SLC8A1: variants seen among roughly 807,000 people sequenced by gnomAD.
The protein encoded by SLC8A1 is sodium/calcium exchanger 1.
In SLC8A1, 18 loss-of-function variants were observed where a neutral mutation model predicts 68.3. The observed-to-expected ratio is 0.26, with a 90% CI of 0.18 to 0.39. SLC8A1 has a LOEUF of 0.39. Among genes scored for constraint, SLC8A1 ranks in the 10% least tolerant of loss-of-function variants. The pLI, the probability that SLC8A1 is intolerant of heterozygous loss-of-function variation, is 1.00. For missense variants in SLC8A1, 985 were observed against 1,156.7 expected (o/e 0.85, Z 2.15); for synonymous variants, 475 against 415.5 (o/e 1.14, Z -1.74).
chr2:40,209,492 T>A (rs915330222), intron 2 of SLC8A1, among the ~76,000 whole-genome samples: 1 of 152,002 alleles, frequency 6.6e-6, no homozygotes, highest in Non-Finnish European at 1.5e-5. Context: ...TGAAAGGACT[T>A]CTGAGGGAAA....
intron 2 of SLC8A1, among the ~76,000 whole-genome samples, chr2:40,241,794 C>G (rs2061257430): frequency 6.6e-6 from 1 of 152,140 alleles, no homozygotes; most frequent in South Asian, 2.1e-4. Flanking sequence ...CCCCTAAGGA[C>G]TATGAGCTTT....
intron 2 of SLC8A1, among the ~76,000 whole-genome samples, chr2:40,236,697 A>G (rs866292883): frequency 0.014 from 2,077 of 152,080 alleles, 57 homozygotes; most frequent in African/African-American, 0.047. Flanking sequence ...TCCTAGTCTC[A>G]ATGGTCTTTA....
At chr2:40,115,986 G>A (rs754215629) in intron 7 of SLC8A1, among the ~76,000 whole-genome samples, 6 of 152,208 alleles carry the variant, frequency 3.9e-5, no homozygotes, top group Admixed American at 6.5e-5. Flanking sequence ...CAAAGAGTGA[G>A]TATTGCAAGG....
chr2:40,351,641 G>A (rs1247787636), intron 2 of SLC8A1, among the ~76,000 whole-genome samples: 1 of 150,790 alleles, frequency 6.6e-6, no homozygotes, highest in Non-Finnish European at 1.5e-5. Flanking sequence ...AACCAAGACA[G>A]ACCAAGAACT....
intron 1 of SLC8A1, among the ~76,000 whole-genome samples, chr2:40,470,458 T>C (rs900963087): frequency 1.4e-4 from 22 of 151,976 alleles, no homozygotes; most frequent in Non-Finnish European, 8.8e-5. Flanking sequence ...AACACTAGGC[T>C]AAGACATTAT....
At chr2:40,433,974 A>G (rs2149801157) in intron 1 of SLC8A1, among the ~76,000 whole-genome samples, 1 of 152,288 alleles carries the variant, frequency 6.6e-6, no homozygotes, top group African/African-American at 2.4e-5. Context: ...CATGAGGGCT[A>G]GCATGTTCCT....
chr2:40,505,230 T>A (rs746101436), intron 1 of SLC8A1, among the ~76,000 whole-genome samples: 2 of 151,832 alleles, frequency 1.3e-5, no homozygotes, highest in Non-Finnish European at 2.9e-5. Flanking sequence ...GGAAGGCTAA[T>A]GGGTACAAAA....
intron 2 of SLC8A1, among the ~76,000 whole-genome samples, chr2:40,182,190 C>A (rs1202128648): frequency 6.6e-6 from 1 of 152,176 alleles, no homozygotes; most frequent in East Asian, 1.9e-4. Flanking sequence ...TTAACAAAAT[C>A]AAGACTGGAA....
At chr2:40,316,305 T>C (rs1045574510) in intron 2 of SLC8A1, among the ~76,000 whole-genome samples, 1 of 151,992 alleles carries the variant, frequency 6.6e-6, no homozygotes, top group African/African-American at 2.4e-5. Flanking sequence ...AAGAAATTTA[T>C]TGAAAGGAAC....
intron 2 of SLC8A1, among the ~76,000 whole-genome samples, chr2:40,321,218 T>A (rs571358557): frequency 6.6e-6 from 1 of 152,166 alleles, no homozygotes; most frequent in Non-Finnish European, 1.5e-5. Flanking sequence ...CCTTTTCACA[T>A]AATGACTTTA....
intron 2 of SLC8A1, among the ~76,000 whole-genome samples, chr2:40,406,223 T>C (rs944288989): frequency 2.0e-5 from 3 of 152,208 alleles, no homozygotes; most frequent in African/African-American, 7.2e-5. Context: ...ATGCAAAATA[T>C]GATCTCCCTA....
chr2:40,328,370 C>T (rs75849386), intron 2 of SLC8A1, among the ~76,000 whole-genome samples: 1,830 of 152,164 alleles, frequency 0.012, 29 homozygotes, highest in African/African-American at 0.042. Context: ...GGAGGTTTAT[C>T]TCCTCTGCCT....
Position 40,131,858 on chromosome 2 carries a change from ATTTTTTT to A in SLC8A1, c.2437+7536_2437+7542del, listed in dbSNP as rs71404277. On this transcript the variant is annotated intron_variant, in intron 7 of 7. Transcript: ENST00000406785. ...CTGATGAGGATTATCTTGGTATTCT[ATTTTTTT>A]TTTTTTTTTTTTTTTTTTTGCCAGC... Among the ~76,000 whole-genome samples, 171 of 95,560 alleles carry A rather than the reference ATTTTTTT, an allele frequency of 1.8e-3. 1 individual carries two copies. The highest frequency in any genetic ancestry group is 3.6e-3 in the Admixed American group (29 of 8,026). The allele number at this position is 95,560 out of a possible 152,430, so 62.7% of individuals were successfully genotyped here. A position where few individuals can be genotyped will look rare whatever the true frequency, so the allele number is the denominator to read the frequency against.
chr2:40,177,375 T>C (rs1410664849), intron 3 of SLC8A1, among the ~76,000 whole-genome samples: 1 of 152,190 alleles, frequency 6.6e-6, no homozygotes, highest in Non-Finnish European at 1.5e-5. Context: ...TGAGGTATGA[T>C]TGATGAGGTA....
rs1025642145 is a variant in SLC8A1 at position 40,137,499 on chromosome 2, G to A, written c.2437+1902C>T. ...TAACTTGGACACAATGTGATTCAGT[G>A]ACTTAAACCATAGGAAAAGTGGACT... is the stretch of plus-strand genomic sequence containing the variant. On this transcript the variant is annotated intron_variant, in intron 7 of 7. Transcript: ENST00000406785. 5.9e-5 allele frequency among the ~76,000 whole-genome samples: 9 copies of A among 152,222 alleles called. No individual in the cohort carries two copies. In the East Asian group the frequency reaches 1.5e-3, roughly 26 times the overall value.
intron 2 of SLC8A1, among the ~76,000 whole-genome samples, chr2:40,382,972 A>C (rs1191637694): frequency 1.3e-5 from 2 of 152,126 alleles, no homozygotes; most frequent in Non-Finnish European, 2.9e-5. Flanking sequence ...CTTTTATACT[A>C]TTTAATACAC....
At chr2:40,491,309 G>T (rs1705302509) in intron 1 of SLC8A1, among the ~76,000 whole-genome samples, 1 of 151,990 alleles carries the variant, frequency 6.6e-6, no homozygotes, top group Non-Finnish European at 1.5e-5. Flanking sequence ...GTATAAGAAT[G>T]CTTGTGATTT....
chr2:40,232,477 C>T (rs1574424648), intron 2 of SLC8A1, among the ~76,000 whole-genome samples: 2 of 149,890 alleles, frequency 1.3e-5, no homozygotes, highest in East Asian at 3.9e-4. Flanking sequence ...CCTCTATTTA[C>T]ACAAAGAGAT....
At chr2:40,298,626 T>C (rs554306214) in intron 2 of SLC8A1, among the ~76,000 whole-genome samples, 1 of 152,320 alleles carries the variant, frequency 6.6e-6, no homozygotes, top group East Asian at 1.9e-4. Flanking sequence ...CCATTTAATC[T>C]ATTTTGAAAG....
Sources: gnomAD v4.1 joint callset for allele counts (sites outside exome capture counted in the v4.1 genomes callset) on GRCh38, gnomAD v4.1.1 for gene constraint, MANE v1.5 for transcripts, NCBI Gene and HGNC (gene_info 2026-07-23, HGNC 2026-07-21) for gene names.